The following THSD4 variants were observed in gnomAD, a reference collection of about 807,000 sequenced individuals.
THSD4 encodes the protein thrombospondin type 1 domain containing 4.
THSD4 carries 69 observed loss-of-function variants against 119.0 expected under a neutral mutation model. The ratio of observed to expected loss-of-function variants is 0.58; its 90% CI spans 0.48 to 0.71. The LOEUF (loss-of-function observed/expected upper bound fraction) is 0.71. Ranked by LOEUF, THSD4 falls within the 30% of genes least tolerant of loss-of-function variation. The probability of loss-of-function intolerance (pLI) is 0.00; values close to 1 mark genes in which losing one functional copy is unlikely to be tolerated. For missense variants in THSD4, 1,393 were observed against 1,391.1 expected (o/e 1.00, Z -0.02); for synonymous variants, 524 against 540.4 (o/e 0.97, Z 0.42).
At chr15:71,530,855 G>T (rs949795156) in intron 7 of THSD4, among the ~76,000 whole-genome samples, 3 of 150,702 alleles carry the variant, frequency 2.0e-5, no homozygotes, top group African/African-American at 7.3e-5. Flanking sequence ...TCTACTTGAA[G>T]AGATTATTAC....
intron 6 of THSD4, among the ~76,000 whole-genome samples, chr15:71,389,843 T>A (rs1394638651): frequency 2.1e-5 from 2 of 95,192 alleles, no homozygotes; most frequent in Admixed American, 2.5e-4. Context: ...AGAGTCTCGC[T>A]CTGTCACTCA....
chr15:71,256,200 C>T (rs984150159), intron 5 of THSD4, among the ~76,000 whole-genome samples: 8 of 152,056 alleles, frequency 5.3e-5, no homozygotes, highest in African/African-American at 1.9e-4. Context: ...AGGGGCCCGG[C>T]GCGGTGGCTG....
rs540256665 is a variant in THSD4 at position 71,333,459 on chromosome 15, A to G, written c.1015+76744A>G. On this transcript the variant is annotated intron_variant, in intron 6 of 17. Coordinates refer to ENST00000261862, the MANE Select transcript of THSD4 (RefSeq NM_024817.3). The stretch of plus-strand genomic sequence containing the variant: ...CTGATATGTGGGCCTCTTAGACTTT[A>G]GCTTTCTCACCCTCAACATACTCTA... Among the ~76,000 whole-genome samples the G allele has an allele frequency of 3.9e-5, 6 of 152,222 alleles. No individual in the cohort carries two copies. In the East Asian group the frequency reaches 9.7e-4, roughly 25 times the overall value.
chr15:71,514,232 C>A (rs954318475), intron 7 of THSD4, among the ~76,000 whole-genome samples: 1 of 152,216 alleles, frequency 6.6e-6, no homozygotes. Context: ...AAAGGAAAGG[C>A]AGAAGTCACT....
At chr15:71,271,358 A>G (rs2044528914) in intron 6 of THSD4, among the ~76,000 whole-genome samples, 1 of 152,226 alleles carries the variant, frequency 6.6e-6, no homozygotes, top group African/African-American at 2.4e-5. Flanking sequence ...TGTTGAGCAA[A>G]ATAAGGCAGA....
chr15:71,369,594 G>T (rs1457823886), intron 6 of THSD4, among the ~76,000 whole-genome samples: 2 of 152,158 alleles, frequency 1.3e-5, no homozygotes, highest in Non-Finnish European at 2.9e-5. Flanking sequence ...TTATTGATTT[G>T]TGTATGTTGA....
In THSD4 at chr15:71,731,173, G is replaced by A. The variant is rs1394289236; in HGVS notation, c.1586G>A (p.Gly529Glu). Residue 529 changes from glycine (G) to glutamate (E), a missense_variant, in exon 10 of 18, where the codon GGG becomes GAG. Transcript: ENST00000261862. Reference protein sequence around the residue: ...PGVHYEYVIMGTNAISPQVPP... With the variant: ...PGVHYEYVIMETNAISPQVPP... ...GTGCACTACGAGTACGTGATCATGG[G>A]GACCAACGCCATCAGCCCCCAGGTG... 14 of 1,614,022 alleles carry A rather than the reference G, an allele frequency of 8.7e-6. No individual in the cohort carries two copies. Among genetic ancestry groups the A allele is most frequent in the Non-Finnish European group, 1.2e-5 (14 of 1,180,032 alleles).
intron 1 of THSD4, among the ~76,000 whole-genome samples, chr15:71,106,682 G>C (rs1410224696): frequency 6.6e-6 from 1 of 151,950 alleles, no homozygotes; most frequent in Non-Finnish European, 1.5e-5. Context: ...GGTATGCTAG[G>C]TTTTGCTGCA....
In THSD4 at chr15:71,701,862, T is replaced by G. The variant is rs545180455; in HGVS notation, c.1358-26687T>G. ...GAAGAAGTGAGACCTTCCACTTCTT[T>G]TAGGAGGCTTAAATTGTTTTTAATG... On this transcript the variant is annotated intron_variant, in intron 8 of 17. Transcript: ENST00000261862. 2.6e-5 allele frequency among the ~76,000 whole-genome samples: 4 copies of G among 152,282 alleles called. No homozygotes were observed. In the South Asian group the frequency reaches 8.3e-4, roughly 32 times the overall value.
intron 8 of THSD4, among the ~76,000 whole-genome samples, chr15:71,709,686 G>T (rs570407339): frequency 6.6e-6 from 1 of 152,318 alleles, no homozygotes; most frequent in East Asian, 1.9e-4. Flanking sequence ...GCTTTCCAGG[G>T]AAGAGTAAGA....
At chr15:71,213,286 T>C (rs1013609064) in intron 3 of THSD4, among the ~76,000 whole-genome samples, 8 of 152,216 alleles carry the variant, frequency 5.3e-5, no homozygotes, top group African/African-American at 1.9e-4. Context: ...CCATGTCTTA[T>C]AAGGGCACTT....
intron 8 of THSD4, among the ~76,000 whole-genome samples, chr15:71,683,199 G>A (rs1486700084): frequency 1.3e-5 from 2 of 152,012 alleles, no homozygotes. Flanking sequence ...TAGGATTACA[G>A]GTGTGAGCCA....
intron 3 of THSD4, among the ~76,000 whole-genome samples, chr15:71,195,977 G>A (rs28564052): frequency 0.071 from 10,739 of 152,210 alleles, 483 homozygotes; most frequent in African/African-American, 0.13. Flanking sequence ...GCCTGAGACT[G>A]GGTAGTTTAT....
intron 6 of THSD4, among the ~76,000 whole-genome samples, chr15:71,376,801 T>C (rs1396374882): frequency 1.3e-5 from 2 of 152,230 alleles, no homozygotes; most frequent in Non-Finnish European, 2.9e-5. Flanking sequence ...GGTTAAGAAC[T>C]CATGCCGAGA....
At chr15:71,641,156 A>G (rs1034751543) in intron 7 of THSD4, among the ~76,000 whole-genome samples, 10 of 152,156 alleles carry the variant, frequency 6.6e-5, no homozygotes, top group Non-Finnish European at 1.0e-4. Context: ...TGTTCCAGGC[A>G]TGGTGCTAAG....
intron 6 of THSD4, among the ~76,000 whole-genome samples, chr15:71,310,229 C>T (rs560986700): frequency 7.0e-4 from 107 of 152,250 alleles, no homozygotes; most frequent in African/African-American, 2.4e-3. Flanking sequence ...TTCTCTTACA[C>T]TGTGGGACTA....
In THSD4 at chr15:71,354,155, A is replaced by T. The variant is rs551043423; in HGVS notation, c.1016-57532A>T. Among the ~76,000 whole-genome samples, 109 of 152,254 alleles carry T rather than the reference A, an allele frequency of 7.2e-4. 1 individual carries two copies. Among genetic ancestry groups the T allele is most frequent in the African/African-American group, 2.4e-3 (98 of 41,550 alleles). On this transcript the variant is annotated intron_variant, in intron 6 of 17. Transcript: ENST00000261862. The stretch of plus-strand genomic sequence containing the variant: ...AAAAGAGGTTTAAAAATTTAGCCAG[A>T]TGTGGTGGCATTTACCTGTAGTCCC...
At chr15:71,535,637 A>T (rs1189803261) in intron 7 of THSD4, among the ~76,000 whole-genome samples, 2 of 152,066 alleles carry the variant, frequency 1.3e-5, no homozygotes, top group African/African-American at 4.8e-5. Context: ...ATTTGTTATC[A>T]CCTGTGTATT....
chr15:71,698,698 G>A (rs773743073), intron 8 of THSD4, among the ~76,000 whole-genome samples: 15 of 145,444 alleles, frequency 1.0e-4, no homozygotes, highest in African/African-American at 3.4e-4. Flanking sequence ...TCATCCATTC[G>A]TCTATACACA....
Sources: allele counts gnomAD v4.1 joint callset (sites outside exome capture counted in the v4.1 genomes callset), GRCh38; gene constraint gnomAD v4.1.1; transcripts MANE v1.5; gene names NCBI Gene and HGNC (gene_info 2026-07-23, HGNC 2026-07-21).